CACNA1C: variants seen among roughly 807,000 people sequenced by gnomAD.
The protein encoded by CACNA1C is voltage-dependent L-type calcium channel subunit alpha-1C.
CACNA1C carries 30 observed loss-of-function variants against 229.0 expected under a neutral mutation model. That is an observed-to-expected ratio of 0.13 (90% CI 0.10 to 0.18). The LOEUF is 0.18. CACNA1C is among the 10% of genes least tolerant of loss of function. The pLI is 1.00. For missense variants in CACNA1C, 1,658 were observed against 2,845.0 expected (o/e 0.58, Z 9.49); for synonymous variants, 1,114 against 1,132.5 (o/e 0.98, Z 0.33).
intron 3 of CACNA1C, among the ~76,000 whole-genome samples, chr12:2,208,857 TAAC>T (rs780638746): frequency 3.9e-4 from 59 of 152,216 alleles, no homozygotes; most frequent in Non-Finnish European, 6.5e-4. Flanking sequence ...CCTAAGGGTC[TAAC>T]TTAGGGTTTA....
intron 3 of CACNA1C, among the ~76,000 whole-genome samples, chr12:2,239,821 CG>C (rs1362805868): frequency 1.3e-5 from 2 of 152,094 alleles, no homozygotes; most frequent in African/African-American, 2.4e-5. Flanking sequence ...CGAGCATCTG[CG>C]GGGGGCGGTG....
intron 3 of CACNA1C, among the ~76,000 whole-genome samples, chr12:2,369,595 G>A (rs2097800366): frequency 6.6e-6 from 1 of 151,950 alleles, no homozygotes; most frequent in Non-Finnish European, 1.5e-5. Context: ...GTAGAGTCAG[G>A]GTTTCACCAT....
intron 1 of CACNA1C, among the ~76,000 whole-genome samples, chr12:2,013,282 T>C (rs985515256): frequency 6.6e-6 from 1 of 152,148 alleles, no homozygotes; most frequent in Non-Finnish European, 1.5e-5. Context: ...GAATATAAAG[T>C]GCCTGCCTGG....
chr12:2,540,540 C>T (rs992069821), intron 9 of CACNA1C, among the ~76,000 whole-genome samples: 1 of 152,118 alleles, frequency 6.6e-6, no homozygotes, highest in Non-Finnish European at 1.5e-5. Flanking sequence ...GAGCCTCTAC[C>T]GAAACTCCTC....
chr12:2,235,620 G>A (rs1270049385), intron 3 of CACNA1C, among the ~76,000 whole-genome samples: 2 of 152,178 alleles, frequency 1.3e-5, no homozygotes, highest in Admixed American at 1.3e-4. Flanking sequence ...GGTGATGCCG[G>A]TTTACCCAGG....
chr12:2,106,804 CCCCGGGGAG>C, intron 1 of CACNA1C, among the ~76,000 whole-genome samples: 1 of 133,204 alleles, frequency 7.5e-6, no homozygotes, highest in South Asian at 2.5e-4. Flanking sequence ...TGGGTGCTCA[CCCCGGGGAG>C]GGTTTCCACC....
rs2096958470 is a variant in CACNA1C, at chr12:2,678,818, C to T, written c.5092-626C>T. On this transcript the variant is annotated intron_variant, in intron 41 of 46. Transcript: ENST00000399655. The surrounding 1 kb of genome is among the most constrained non-coding windows in gnomAD (Gnocchi z 4.1). ...GCTCTGATGTCAAGGGTTGGAACAA[C>T]CGTGCAAATAGCTACTTGCCCACTT... is the stretch of plus-strand genomic sequence containing the variant. Among the ~76,000 whole-genome samples, 1 of 152,204 alleles carries T rather than the reference C, an allele frequency of 6.6e-6. No homozygotes were observed.
chr12:2,372,505 A>G (rs1444797077), intron 3 of CACNA1C, among the ~76,000 whole-genome samples: 1 of 152,192 alleles, frequency 6.6e-6, no homozygotes, highest in African/African-American at 2.4e-5. Context: ...TTAATCCAGG[A>G]GAGATGGACA....
chr12:2,045,056 T>A (rs1320198954), intron 1 of CACNA1C, among the ~76,000 whole-genome samples: 1 of 152,182 alleles, frequency 6.6e-6, no homozygotes, highest in East Asian at 1.9e-4. Context: ...GAATGCCAGC[T>A]GAAATATGGA....
chr12:2,567,464 G>A, intron 12 of CACNA1C, 105 bp from the exon 13 acceptor site: 1 of 706,866 alleles, frequency 1.4e-6, no homozygotes, highest in Non-Finnish European at 2.4e-6. Context: ...GGTGTCATGG[G>A]GGATCTTTTT....
At chr12:2,379,813 C>G (rs1013356378) in intron 3 of CACNA1C, among the ~76,000 whole-genome samples, 1 of 151,644 alleles carries the variant, frequency 6.6e-6, no homozygotes, top group African/African-American at 2.4e-5. Context: ...GGGCGGATCA[C>G]GAGGTCAGGA....
At chr12:2,218,899 G>A (rs2060699297) in intron 3 of CACNA1C, among the ~76,000 whole-genome samples, 1 of 152,122 alleles carries the variant, frequency 6.6e-6, no homozygotes, top group East Asian at 1.9e-4. Flanking sequence ...GTCACTGTAT[G>A]CGTTGAATCT....
At chr12:2,136,251 G>A (rs965528535) in intron 3 of CACNA1C, among the ~76,000 whole-genome samples, 4 of 151,458 alleles carry the variant, frequency 2.6e-5, no homozygotes, top group Admixed American at 6.6e-5. Context: ...GAAATCACCC[G>A]TCTTCTGCGT....
At chr12:2,193,065 G>C (rs2097290542) in intron 3 of CACNA1C, among the ~76,000 whole-genome samples, 1 of 152,224 alleles carries the variant, frequency 6.6e-6, no homozygotes, top group South Asian at 2.1e-4. Flanking sequence ...GCTGTTAGTT[G>C]CTGTGATTCC....
At chr12:2,179,513 G>C (rs1000336663) in intron 3 of CACNA1C, among the ~76,000 whole-genome samples, 1 of 152,152 alleles carries the variant, frequency 6.6e-6, no homozygotes, top group Non-Finnish European at 1.5e-5. Context: ...TGATTAATAC[G>C]CACCACAGAA....
chr12:2,237,482 G>T (rs934385955), intron 3 of CACNA1C, among the ~76,000 whole-genome samples: 1 of 152,208 alleles, frequency 6.6e-6, no homozygotes, highest in African/African-American at 2.4e-5. Context: ...CAGAAAGGAA[G>T]TAATGAACTA....
intron 1 of CACNA1C, among the ~76,000 whole-genome samples, chr12:1,985,969 C>G (rs1409329719): frequency 6.6e-6 from 1 of 152,176 alleles, no homozygotes; most frequent in Non-Finnish European, 1.5e-5. Flanking sequence ...TGCCACCACA[C>G]TTGGCTAATT....
chr12:2,030,891 C>T (rs2048104394), intron 1 of CACNA1C, among the ~76,000 whole-genome samples: 1 of 152,244 alleles, frequency 6.6e-6, no homozygotes. Context: ...GACCCAGCAA[C>T]AAGTTGGGAA....
chr12:2,497,623 C>T (rs1323986042), intron 7 of CACNA1C, among the ~76,000 whole-genome samples: 1 of 152,192 alleles, frequency 6.6e-6, no homozygotes, highest in Non-Finnish European at 1.5e-5. Flanking sequence ...GTTCATGCCC[C>T]TTCCCATCCT....
Sources: allele counts gnomAD v4.1 joint callset (sites outside exome capture counted in the v4.1 genomes callset), GRCh38; gene constraint gnomAD v4.1.1; non-coding constraint Gnocchi (gnomAD v3.1); transcripts MANE v1.5; gene names NCBI Gene and HGNC (gene_info 2026-07-23, HGNC 2026-07-21).